Variants in POF1B observed in about 807,000 individuals in gnomAD.
The protein encoded by POF1B is protein POF1B.
A neutral mutation model predicts 55.3 loss-of-function variants in POF1B; 53 were observed. That is an observed-to-expected ratio of 0.96 (90% confidence interval 0.77 to 1.20). The LOEUF (loss-of-function observed/expected upper bound fraction) is 1.20. Ranked by LOEUF, POF1B falls within the 50% of genes most tolerant of loss-of-function variation. POF1B has a pLI of 0.00. For missense variants in POF1B, 478 were observed against 420.5 expected (o/e 1.14, Z -1.20); for synonymous variants, 188 against 148.3 (o/e 1.27, Z -1.95).
intron 15 of POF1B, among the ~76,000 whole-genome samples, chrX:85,291,429 G>A (rs760794636): frequency 1.8e-4 from 20 of 111,454 alleles, no homozygotes; most frequent in Admixed American, 2.9e-4. Flanking sequence ...CTCTTTTTTC[G>A]TTCCATATGA....
intron 2 of POF1B, among the ~76,000 whole-genome samples, chrX:85,376,794 A>G (rs186660673): frequency 0.015 from 1,665 of 111,468 alleles, 35 homozygotes; most frequent in African/African-American, 0.052. Flanking sequence ...TGCCTACTAC[A>G]TGACCTAAAA....
chrX:85,334,617 A>T (rs1425910019), intron 6 of POF1B, among the ~76,000 whole-genome samples: 1 of 111,244 alleles, frequency 9.0e-6, no homozygotes, highest in African/African-American at 3.3e-5. Flanking sequence ...AAGGCAAAGC[A>T]ACAATGCTTA....
chrX:85,284,995 AG>A (rs1162941888), intron 15 of POF1B, among the ~76,000 whole-genome samples: 3 of 112,087 alleles, frequency 2.7e-5, no homozygotes, highest in Non-Finnish European at 3.8e-5. Context: ...AAGTGGGCAA[AG>A]GATATGAACA....
At chrX:85,379,606 C>A in intron 1 of POF1B, 33 bp downstream of exon 1, 1 of 562,851 alleles carries the variant, frequency 1.8e-6, no homozygotes, top group South Asian at 3.3e-5. Context: ...AAAACCTCTG[C>A]CAATAGTGGT....
intron 9 of POF1B, among the ~76,000 whole-genome samples, chrX:85,311,759 G>A (rs188368638): frequency 3.4e-4 from 38 of 110,617 alleles, no homozygotes; most frequent in Admixed American, 6.7e-4. Flanking sequence ...TTGAGGAAGC[G>A]CCACACTGGT....
intron 7 of POF1B, among the ~76,000 whole-genome samples, chrX:85,321,177 A>G (rs149092489): frequency 2.7e-5 from 3 of 111,687 alleles, no homozygotes; most frequent in African/African-American, 6.5e-5. Context: ...GATGAATATT[A>G]ATGCAAAAAT....
chrX:85,299,958 T>G (rs762485800), intron 15 of POF1B, among the ~76,000 whole-genome samples: 13 of 112,660 alleles, frequency 1.2e-4, no homozygotes, highest in Non-Finnish European at 2.4e-4. Context: ...AAGGATGCCT[T>G]TTAAAACTTG....
chrX:85,372,032 T>C (rs1391487975), intron 2 of POF1B, among the ~76,000 whole-genome samples: 2 of 111,493 alleles, frequency 1.8e-5, no homozygotes, highest in Non-Finnish European at 3.8e-5. Context: ...TATTGGCAAC[T>C]TTAAGTAGAG....
intron 15 of POF1B, among the ~76,000 whole-genome samples, chrX:85,287,378 C>T (rs1225375596): frequency 2.7e-5 from 3 of 110,980 alleles, no homozygotes; most frequent in Non-Finnish European, 5.7e-5. Context: ...AGAGAACATA[C>T]AGTTTACCAA....
intron 15 of POF1B, among the ~76,000 whole-genome samples, chrX:85,285,243 C>T (rs1335389409): frequency 2.7e-5 from 3 of 111,418 alleles, no homozygotes; most frequent in East Asian, 5.7e-4. Context: ...GACAGTGTGG[C>T]GATCCCTCAA....
intron 9 of POF1B, among the ~76,000 whole-genome samples, chrX:85,313,827 C>CTT (rs1002113559): frequency 1.9e-5 from 2 of 107,934 alleles, no homozygotes; most frequent in African/African-American, 6.7e-5. Flanking sequence ...TTTCTTTTTT[C>CTT]TTTTTTTTTG....
At chrX:85,347,901 G>T (rs1207959982) in intron 5 of POF1B, among the ~76,000 whole-genome samples, 1 of 110,605 alleles carries the variant, frequency 9.0e-6, no homozygotes, top group African/African-American at 3.3e-5. Context: ...ACTGGAATGA[G>T]GTAAAATTAC....
chrX:85,286,309 T>C (rs1391386335), intron 15 of POF1B, among the ~76,000 whole-genome samples: 3 of 110,329 alleles, frequency 2.7e-5, no homozygotes, highest in African/African-American at 9.9e-5. Flanking sequence ...AAGAAAGAAG[T>C]ATACCTAATA....
intron 7 of POF1B, among the ~76,000 whole-genome samples, chrX:85,321,118 A>C (rs1232364671): frequency 2.7e-5 from 3 of 111,759 alleles, no homozygotes; most frequent in Non-Finnish European, 5.6e-5. Context: ...CTGATACCAA[A>C]GCCGGGAAGA....
At chrX:85,279,946 G>A (rs986998532) in intron 16 of POF1B, among the ~76,000 whole-genome samples, 2 of 110,851 alleles carry the variant, frequency 1.8e-5, no homozygotes, top group Non-Finnish European at 3.8e-5. Flanking sequence ...TCTTAACTTT[G>A]GGCATCAAAT....
chrX:85,336,977 G>C (rs186070868), intron 6 of POF1B, among the ~76,000 whole-genome samples: 25 of 111,508 alleles, frequency 2.2e-4, no homozygotes, highest in Admixed American at 3.8e-4. Flanking sequence ...TCTTGTATAT[G>C]GTGAGAGATA....
intron 2 of POF1B, among the ~76,000 whole-genome samples, chrX:85,372,730 T>A (rs979136797): frequency 1.6e-4 from 17 of 103,091 alleles, no homozygotes; most frequent in Non-Finnish European, 2.5e-4. Flanking sequence ...TATATATATA[T>A]AAATATATTT....
chrX:85,372,864 G>T, intron 2 of POF1B, among the ~76,000 whole-genome samples: 1 of 106,997 alleles, frequency 9.3e-6, no homozygotes, highest in Admixed American at 1.0e-4. Flanking sequence ...CAGATGATGT[G>T]CAAATGGCCT....
intron 7 of POF1B, among the ~76,000 whole-genome samples, chrX:85,317,526 G>A (rs1220881790): frequency 9.1e-6 from 1 of 110,360 alleles, no homozygotes; most frequent in African/African-American, 3.3e-5. Flanking sequence ...CTAATGTTCA[G>A]TGATGTTGAG....
Sources: gnomAD v4.1 joint callset for allele counts (sites outside exome capture counted in the v4.1 genomes callset) on GRCh38, gnomAD v4.1.1 for gene constraint, MANE v1.5 for transcripts, NCBI Gene and HGNC (gene_info 2026-07-23, HGNC 2026-07-21) for gene names.